The following DMD variants were observed in gnomAD, a reference collection of about 807,000 sequenced individuals.
DMD encodes the protein dystrophin.
DMD carries 63 observed loss-of-function variants against 330.1 expected under a neutral mutation model. The ratio of observed to expected loss-of-function variants is 0.19; its 90% CI spans 0.16 to 0.24. The LOEUF (loss-of-function observed/expected upper bound fraction) is 0.24, where lower values mean the gene tolerates loss of function less well. Among genes scored for constraint, DMD ranks in the 10% least tolerant of loss-of-function variants. The pLI, the probability that DMD is intolerant of heterozygous loss-of-function variation, is 1.00. For synonymous variants in DMD, 1,223 were observed against 959.8 expected, an observed-to-expected ratio of 1.27 and a Z score of -5.07; for missense variants, 3,344 against 2,684.1, an observed-to-expected ratio of 1.25 and a Z score of -5.43.
chrX:31,586,952 C>CT (rs1182833441), intron 55 of DMD, among the ~76,000 whole-genome samples: 1 of 111,748 alleles, frequency 8.9e-6, no homozygotes, highest in Non-Finnish European at 1.9e-5. Context: ...TGGGTATCTA[C>CT]TTTTTTTATT....
chrX:32,930,598 G>T (rs1018988010), intron 2 of DMD, among the ~76,000 whole-genome samples: 21 of 110,336 alleles, frequency 1.9e-4, no homozygotes, highest in Non-Finnish European at 3.0e-4. Context: ...AAGCATTCAA[G>T]ATTTCAGAAA....
chrX:31,735,450 T>TG (rs771483576), intron 51 of DMD, among the ~76,000 whole-genome samples: 133 of 112,063 alleles, frequency 1.2e-3, no homozygotes, highest in African/African-American at 4.2e-3. Context: ...GATGGTTCCA[T>TG]GACACTACTA....
At chrX:32,502,104 A>C (rs1257491386) in intron 18 of DMD, among the ~76,000 whole-genome samples, 1 of 111,693 alleles carries the variant, frequency 9.0e-6, no homozygotes, top group African/African-American at 3.3e-5. Context: ...TTTCTGATAC[A>C]TTTCAACGCA....
chrX:31,951,141 G>GTATATATATATATA (rs1557025416), intron 45 of DMD, among the ~76,000 whole-genome samples: 154 of 72,757 alleles, frequency 2.1e-3, no homozygotes, highest in African/African-American at 4.7e-3. Context: ...ATATATATAT[G>GTATATATATATATA]TGTATATATA....
chrX:32,632,447 A>G (rs1417232566), intron 11 of DMD, among the ~76,000 whole-genome samples: 2 of 112,269 alleles, frequency 1.8e-5, no homozygotes, highest in African/African-American at 6.5e-5. Context: ...CCACTAGGCA[A>G]TGCCCCAGTG....
intron 55 of DMD, among the ~76,000 whole-genome samples, chrX:31,509,366 C>G (rs761134352): frequency 8.9e-6 from 1 of 112,005 alleles, no homozygotes; most frequent in Non-Finnish European, 1.9e-5. Context: ...CCAACCAGAT[C>G]TAAGTTCCAG....
At chrX:32,419,815 C>T (rs766254270) in intron 29 of DMD, among the ~76,000 whole-genome samples, 7 of 111,925 alleles carry the variant, frequency 6.3e-5, no homozygotes, top group East Asian at 2.8e-4. Flanking sequence ...TTGAAAGTAA[C>T]GTTTGGGAAT....
At chrX:31,599,000 T>C (rs1310761884) in intron 55 of DMD, among the ~76,000 whole-genome samples, 3 of 111,850 alleles carry the variant, frequency 2.7e-5, no homozygotes, top group East Asian at 2.8e-4. Flanking sequence ...AAATACAAAA[T>C]TGAAGAGCTT....
chrX:32,529,378 A>AATTTTTTTTTTTTTTT (rs1569139194), intron 17 of DMD, among the ~76,000 whole-genome samples: 1 of 73,060 alleles, frequency 1.4e-5, no homozygotes, highest in African/African-American at 5.4e-5. Context: ...GCAAAAATCA[A>AATTTTTTTTTTTTTTT]CTTTTTTTTT....
intron 2 of DMD, among the ~76,000 whole-genome samples, chrX:32,855,568 A>C (rs1255926498): frequency 1.8e-5 from 2 of 111,873 alleles, no homozygotes; most frequent in Non-Finnish European, 3.8e-5. Flanking sequence ...TGAAGAAAAG[A>C]CCATCTTTTC....
At chrX:32,751,857 C>T (rs1450093787) in intron 7 of DMD, among the ~76,000 whole-genome samples, 1 of 112,571 alleles carries the variant, frequency 8.9e-6, no homozygotes, top group Non-Finnish European at 1.9e-5. Context: ...TAAAAGGGGC[C>T]GAGGTACAGC....
intron 1 of DMD, among the ~76,000 whole-genome samples, chrX:33,192,436 T>C (rs2050708862): frequency 8.9e-6 from 1 of 112,235 alleles, no homozygotes; most frequent in Non-Finnish European, 1.9e-5. Context: ...TAACGAGAAA[T>C]ACACACCTAA....
intron 50 of DMD, among the ~76,000 whole-genome samples, chrX:31,783,904 G>A (rs2091157431): frequency 9.0e-6 from 1 of 111,667 alleles, no homozygotes; most frequent in African/African-American, 3.2e-5. Context: ...TAATATATTT[G>A]CACAAGATCT....
At chrX:32,503,252 T>C (rs2044245695) in intron 18 of DMD, among the ~76,000 whole-genome samples, 1 of 111,317 alleles carries the variant, frequency 9.0e-6, no homozygotes, top group Non-Finnish European at 1.9e-5. Context: ...TCAGGCGTGG[T>C]GACAGGAGCC....
At chrX:31,296,045 T>C (rs142536053) in intron 62 of DMD, among the ~76,000 whole-genome samples, 5,558 of 107,999 alleles carry the variant, frequency 0.051, 154 homozygotes, top group Non-Finnish European at 0.083. Flanking sequence ...AACTCTTCAA[T>C]ATGTCCCTGA....
At chrX:31,460,428 C>T (rs1389388714) in intron 59 of DMD, among the ~76,000 whole-genome samples, 1 of 111,775 alleles carries the variant, frequency 8.9e-6, no homozygotes, top group Non-Finnish European at 1.9e-5. Flanking sequence ...TTGACTGATC[C>T]CAACTATTTT....
At chrX:31,218,067 T>G (rs2045592872) in intron 64 of DMD, among the ~76,000 whole-genome samples, 1 of 111,792 alleles carries the variant, frequency 8.9e-6, no homozygotes, top group East Asian at 2.8e-4. Context: ...TTATTGGAAA[T>G]TATAAGTTGA....
At chrX:32,286,756 G>A (rs2097443307) in intron 43 of DMD, among the ~76,000 whole-genome samples, 1 of 111,534 alleles carries the variant, frequency 9.0e-6, no homozygotes, top group Non-Finnish European at 1.9e-5. Context: ...GTTAGAAATG[G>A]ACAGATGTAA....
At chrX:32,835,260 G>C (rs1301182556) in intron 4 of DMD, among the ~76,000 whole-genome samples, 1 of 111,659 alleles carries the variant, frequency 9.0e-6, no homozygotes, top group African/African-American at 3.3e-5. Flanking sequence ...ATAATAGAAT[G>C]GCTGTATAAG....
Sources: allele counts gnomAD v4.1 joint callset (sites outside exome capture counted in the v4.1 genomes callset), GRCh38; gene constraint gnomAD v4.1.1; transcripts MANE v1.5; gene names NCBI Gene and HGNC (gene_info 2026-07-23, HGNC 2026-07-21).